TMEM87B: variants seen among roughly 807,000 people sequenced by gnomAD.
TMEM87B encodes the protein transmembrane protein 87B.
Under a neutral mutation model 80.3 loss-of-function variants are expected in TMEM87B, and 83 were observed. The observed-to-expected ratio is 1.03, with a 90% confidence interval of 0.87 to 1.24. TMEM87B has a LOEUF of 1.24. Ranked by LOEUF, TMEM87B falls within the 50% of genes most tolerant of loss-of-function variation. The pLI is 0.00. For synonymous variants in TMEM87B, 219 were observed against 230.5 expected, an observed-to-expected ratio of 0.95 and a Z score of 0.45; for missense variants, 625 against 674.4, an observed-to-expected ratio of 0.93 and a Z score of 0.81.
At chr2:112,061,999 C>T (rs552237285) in intron 2 of TMEM87B, among the ~76,000 whole-genome samples, 1 of 152,298 alleles carries the variant, frequency 6.6e-6, no homozygotes, top group East Asian at 1.9e-4. Context: ...TATTGGGCCT[C>T]CAGGGAGGCA....
intron 9 of TMEM87B, among the ~76,000 whole-genome samples, 193 bp from the exon 10 acceptor site, chr2:112,089,432 T>C (rs1679237800): frequency 6.6e-6 from 1 of 152,264 alleles, no homozygotes; most frequent in African/African-American, 2.4e-5. Flanking sequence ...TCAGTATAGC[T>C]TCAGGTCCTA....
At chr2:112,075,495 C>G (rs1350312869) in intron 5 of TMEM87B, among the ~76,000 whole-genome samples, 1 of 152,196 alleles carries the variant, frequency 6.6e-6, no homozygotes, top group East Asian at 1.9e-4. Flanking sequence ...AGATGCATTT[C>G]TATGCAGCCT....
Position 112,106,719 on chromosome 2 carries a change from ACTTTC to A in TMEM87B, c.1524+648_1524+652del, listed in dbSNP as rs1218626335. 3.9e-5 allele frequency among the ~76,000 whole-genome samples: 6 copies of A among 152,346 alleles called. No homozygotes were observed. The South Asian group carries it at 8.3e-4, about 21-fold the overall frequency. ...GGAAATGTCTATCATATAGTTTTAT[ACTTTC>A]CTTATAACTATATGTGCTGTGATTA... On this transcript the variant is annotated intron_variant, in intron 16 of 18. Transcript: ENST00000283206.
chr2:112,064,055 A>T, intron 2 of TMEM87B, 107 bp from the exon 3 acceptor site: 2 of 850,066 alleles, frequency 2.4e-6, no homozygotes, highest in South Asian at 3.7e-5. Flanking sequence ...TGTTTTACTC[A>T]TTGTTACATT....
chr2:112,111,438 C>CA (rs1679913576), intron 17 of TMEM87B, among the ~76,000 whole-genome samples: 1 of 152,128 alleles, frequency 6.6e-6, no homozygotes, highest in Non-Finnish European at 1.5e-5. Context: ...TTCTTGGTTA[C>CA]AAAAAATCCT....
At chr2:112,112,821 G>A in intron 17 of TMEM87B, 78 bp from the exon 18 acceptor site, 1 of 1,346,000 alleles carries the variant, frequency 7.4e-7, no homozygotes. Context: ...GCCATGGCAT[G>A]TGCCTGTATT....
chr2:112,074,681 T>C (rs1678755694), intron 4 of TMEM87B, among the ~76,000 whole-genome samples: 1 of 152,148 alleles, frequency 6.6e-6, no homozygotes, highest in South Asian at 2.1e-4. Context: ...CATTCTCCCA[T>C]CTCTTTCAGG....
intron 14 of TMEM87B, 31 bp downstream of exon 14, chr2:112,098,729 A>G (rs770324744): frequency 3.2e-5 from 51 of 1,599,668 alleles, no homozygotes; most frequent in Non-Finnish European, 4.2e-5. Flanking sequence ...CAAGTCGTCA[A>G]GGATTTGTTG....
At position 112,087,231 on chromosome 2, in the gene TMEM87B, G is replaced by GGGAA. The variant is rs1573708477; in HGVS notation, c.938+1127_938+1128insGGAA. Among the ~76,000 whole-genome samples, 5 of 151,958 alleles carry GGGAA rather than the reference G, an allele frequency of 3.3e-5. No individual in the cohort carries two copies. In the East Asian group the frequency reaches 9.7e-4, roughly 30 times the overall value. On this transcript the variant is annotated intron_variant, in intron 9 of 18. Coordinates refer to ENST00000283206, the MANE Select transcript of TMEM87B (RefSeq NM_032824.3). ...AAGTCCAGCTTTCCTTCTGCCTCAG[G>GGGAA]CTCCCACCCGAGCAGGGGAATTTGC...
At chr2:112,090,998 T>C (rs1402863589) in intron 10 of TMEM87B, among the ~76,000 whole-genome samples, 1 of 152,022 alleles carries the variant, frequency 6.6e-6, no homozygotes, top group Non-Finnish European at 1.5e-5. Context: ...TCTGCATTCA[T>C]ATAATAATAA....
intron 17 of TMEM87B, among the ~76,000 whole-genome samples, chr2:112,110,909 A>C (rs1245639470): frequency 1.3e-5 from 2 of 152,052 alleles, no homozygotes; most frequent in African/African-American, 4.8e-5. Context: ...ACTTCTTCCA[A>C]GTCACTGGTT....
Position 112,117,966 on chromosome 2 carries a change from G to C in TMEM87B, c.*1823G>C, listed in dbSNP as rs1394773167. On this transcript the variant is annotated 3_prime_UTR_variant, in exon 19 of 19. Coordinates refer to ENST00000283206, the MANE Select transcript of TMEM87B (RefSeq NM_032824.3). ...GTGAGTATGTTAATAAAGGGAAACT[G>C]TCTCTGACAGAATCTCAGTAATGTT... 1 of 152,136 alleles carries C rather than the reference G, an allele frequency of 6.6e-6. No homozygotes were observed. Among genetic ancestry groups the C allele is most frequent in the East Asian group, 1.9e-4 (1 of 5,194 alleles). 9.4% of individuals were successfully genotyped at this position (152,136 alleles called of 1,614,324 possible). A position where few individuals can be genotyped will look rare whatever the true frequency, so the allele number is the denominator to read the frequency against.
At chr2:112,099,882 CAAA>C (rs57117477) in intron 14 of TMEM87B, among the ~76,000 whole-genome samples, 2 of 67,956 alleles carry the variant, frequency 2.9e-5, no homozygotes, top group African/African-American at 4.6e-5. Flanking sequence ...GACCCTGTCT[CAAA>C]AAAAAAAAAA....
intron 1 of TMEM87B, among the ~76,000 whole-genome samples, chr2:112,056,271 C>T (rs1375706246): frequency 6.6e-6 from 1 of 151,514 alleles, no homozygotes; most frequent in Non-Finnish European, 1.5e-5. Context: ...GGGAAACGTG[C>T]AGTAGTCACC....
intron 17 of TMEM87B, among the ~76,000 whole-genome samples, chr2:112,110,752 G>T (rs1573730990): frequency 6.6e-6 from 1 of 151,576 alleles, no homozygotes; most frequent in African/African-American, 2.4e-5. Context: ...ACTTTTTACT[G>T]TCTTCTTTTT....
intron 6 of TMEM87B, among the ~76,000 whole-genome samples, chr2:112,079,842 A>ATTTCT (rs1182553696): frequency 6.6e-6 from 1 of 151,696 alleles, no homozygotes; most frequent in East Asian, 1.9e-4. Context: ...TTCTCTAATG[A>ATTTCT]CTAGTGATGT....
At chr2:112,080,298 C>T (rs1366118564) in intron 6 of TMEM87B, among the ~76,000 whole-genome samples, 4 of 150,386 alleles carry the variant, frequency 2.7e-5, no homozygotes, top group Admixed American at 6.7e-5. Context: ...CTTGCTCTGT[C>T]GCCCAGGCTG....
intron 4 of TMEM87B, among the ~76,000 whole-genome samples, chr2:112,070,868 C>A (rs541392386): frequency 6.6e-6 from 1 of 150,476 alleles, no homozygotes; most frequent in South Asian, 2.1e-4. Flanking sequence ...GTCACCCAGG[C>A]TGGAGTGTAG....
rs539917493 is a variant in TMEM87B, at chr2:112,083,713, G to T, written c.838+2195G>T. Reference sequence around the variant, plus strand: ...GGGTTGAGAACCATTGAGCTAGGAGGCTTTGAATGGTGTCTCTCTCAGATT... The same window carrying T: ...GGGTTGAGAACCATTGAGCTAGGAGTCTTTGAATGGTGTCTCTCTCAGATT... On this transcript the variant is annotated intron_variant, in intron 8 of 18. Transcript: ENST00000283206. Among the ~76,000 whole-genome samples, 19 of 152,316 alleles carry T rather than the reference G, an allele frequency of 1.2e-4. No individual in the cohort carries two copies. The East Asian group carries it at 3.1e-3, about 25-fold the overall frequency.
Sources: gnomAD v4.1 joint callset for allele counts (sites outside exome capture counted in the v4.1 genomes callset) on GRCh38, gnomAD v4.1.1 for gene constraint, MANE v1.5 for transcripts, NCBI Gene and HGNC (gene_info 2026-07-23, HGNC 2026-07-21) for gene names.